DYNC2H1: variants seen among roughly 807,000 people sequenced by gnomAD.
DYNC2H1 encodes cytoplasmic dynein 2 heavy chain 1.
In DYNC2H1, 410 loss-of-function variants were observed where a neutral mutation model predicts 570.0. The observed-to-expected ratio is 0.72, with a 90% CI of 0.66 to 0.78. The LOEUF (loss-of-function observed/expected upper bound fraction) is 0.78. Ranked by LOEUF, DYNC2H1 falls within the 30% of genes least tolerant of loss-of-function variation. DYNC2H1 has a pLI of 0.00. For synonymous variants in DYNC2H1, 1,688 were observed against 1,677.6 expected (o/e 1.01, Z -0.15); for missense variants, 4,865 against 5,046.4 (o/e 0.96, Z 1.09).
In DYNC2H1 at chr11:103,153,401, T is replaced by C. The variant is rs1298118773; in HGVS notation, c.3195T>C (p.Asp1065=). ...GTTGGGACCAACTAAAGCCTGGTGA[T>C]GATGTTATTGAAACTGGCCAACATA... ...KARWDQLKPG[D]DVIETGQHNT... Residue 1065 remains aspartate, a synonymous_variant, in exon 22 of 89, where the codon GAT becomes GAC. Coordinates refer to ENST00000375735, the MANE Select transcript of DYNC2H1 (RefSeq NM_001377.3). 2.6e-6 allele frequency: 4 copies of C among 1,558,432 alleles called. No homozygotes were observed. The highest frequency in any genetic ancestry group is 3.5e-6 in the Non-Finnish European group (4 of 1,150,478).
intron 13 of DYNC2H1, among the ~76,000 whole-genome samples, chr11:103,131,779 T>G (rs1217056322): frequency 1.3e-5 from 2 of 152,210 alleles, no homozygotes; most frequent in Non-Finnish European, 2.9e-5. Context: ...TGATTTCAGC[T>G]GACAAACTAC....
intron 47 of DYNC2H1, among the ~76,000 whole-genome samples, chr11:103,194,932 G>A (rs1862462192): frequency 6.6e-6 from 1 of 151,950 alleles, no homozygotes; most frequent in Non-Finnish European, 1.5e-5. Flanking sequence ...TGGGTAGGCT[G>A]GTTTTGAACT....
At chr11:103,192,015 T>A in intron 46 of DYNC2H1, 82 bp from the exon 47 acceptor site, 1 of 1,150,328 alleles carries the variant, frequency 8.7e-7, no homozygotes, top group Non-Finnish European at 1.2e-6. Context: ...TGTAGACACC[T>A]GCTATTTCTT....
intron 88 of DYNC2H1, among the ~76,000 whole-genome samples, chr11:103,477,468 G>A (rs537836539): frequency 1.3e-5 from 2 of 152,212 alleles, no homozygotes; most frequent in South Asian, 4.1e-4. Context: ...ATACAATTAT[G>A]AACTCATGAT....
chr11:103,238,808 G>A (rs781060485), intron 63 of DYNC2H1, among the ~76,000 whole-genome samples: 2 of 152,142 alleles, frequency 1.3e-5, no homozygotes, highest in African/African-American at 2.4e-5. Flanking sequence ...TCTTACAACA[G>A]GAATTAGTTT....
intron 53 of DYNC2H1, among the ~76,000 whole-genome samples, chr11:103,210,605 G>T (rs942795003): frequency 6.6e-6 from 1 of 152,000 alleles, no homozygotes; most frequent in Non-Finnish European, 1.5e-5. Flanking sequence ...ATAAGTGATA[G>T]TAGAACTTTC....
intron 75 of DYNC2H1, among the ~76,000 whole-genome samples, chr11:103,296,495 A>G (rs182691660): frequency 5.9e-5 from 9 of 152,350 alleles, no homozygotes; most frequent in Middle Eastern, 6.8e-3. Flanking sequence ...CACTAAAATT[A>G]GTTGATTGAA....
rs1047231947 is a variant in DYNC2H1 at position 103,189,566 on chromosome 11, T to C, written c.7293-106T>C. On this transcript the variant is annotated intron_variant, in intron 44 of 88. Transcript: ENST00000375735. This position sits in a 1 kb window ranked among gnomAD's most constrained non-coding sequence, Gnocchi z 4.3. ...TGGGTAAGCTTTGGAGATATGTAGG[T>C]CTTAGAGCAGCACAGTTTCAAAACC... The C allele has an allele frequency of 1.6e-5, 18 of 1,091,662 alleles. No individual in the cohort carries two copies. The highest frequency in any genetic ancestry group is 6.0e-4 in the Middle Eastern group (2 of 3,360). The allele number at this position is 1,091,662 out of a possible 1,614,324, so 67.6% of individuals were successfully genotyped here. A position where few individuals can be genotyped will look rare whatever the true frequency, so the allele number is the denominator to read the frequency against.
chr11:103,154,386 A>G (rs1413357098), intron 22 of DYNC2H1, 65 bp from the exon 23 acceptor site: 4 of 1,363,236 alleles, frequency 2.9e-6, no homozygotes, highest in South Asian at 1.5e-5. Flanking sequence ...AAGTAACTTA[A>G]TGATACTTAA....
intron 52 of DYNC2H1, among the ~76,000 whole-genome samples, chr11:103,206,424 A>G (rs920518179): frequency 2.0e-5 from 3 of 152,140 alleles, no homozygotes; most frequent in African/African-American, 7.2e-5. Flanking sequence ...AGGCATACAG[A>G]AAAAAATTTG....
rs1276163075 is a variant in DYNC2H1, at chr11:103,121,929, C to T, written c.1485+433C>T. Among the ~76,000 whole-genome samples the T allele has an allele frequency of 4.0e-5, 6 of 151,114 alleles. No homozygotes were observed. In the South Asian group the frequency reaches 6.3e-4, roughly 16 times the overall value. On this transcript the variant is annotated intron_variant, in intron 10 of 88. Coordinates refer to ENST00000375735, the MANE Select transcript of DYNC2H1 (RefSeq NM_001377.3). Reference sequence around the variant, plus strand: ...TTGTGCCACAGTGCTCCATGGTGGACGACAGAAAGAGATGCTATCTCAAAA... The same window carrying T: ...TTGTGCCACAGTGCTCCATGGTGGATGACAGAAAGAGATGCTATCTCAAAA...
chr11:103,172,226 A>G (rs1029785978), intron 34 of DYNC2H1, among the ~76,000 whole-genome samples: 1 of 152,094 alleles, frequency 6.6e-6, no homozygotes, highest in Non-Finnish European at 1.5e-5. Flanking sequence ...TTTCTTCTAC[A>G]TTCACTTTTT....
Position 103,326,269 on chromosome 11 carries a change from G to A in DYNC2H1, c.12039+2279G>A, listed in dbSNP as rs965179298. Among the ~76,000 whole-genome samples the A allele has an allele frequency of 3.3e-5, 5 of 152,084 alleles. No homozygotes were observed. The highest frequency in any genetic ancestry group is 1.2e-4 in the African/African-American group (5 of 41,410). On this transcript the variant is annotated intron_variant, in intron 82 of 88. Transcript: ENST00000375735. The surrounding 1 kb of genome is among the most constrained non-coding windows in gnomAD (Gnocchi z 6.1). ...CGGGGAATAAAATCATCTCACCAGG[G>A]CCCCGTCCTTGGCTTTGAGTGAGCC... is the stretch of plus-strand genomic sequence containing the variant.
chr11:103,453,537 C>CTAAAAGAGCTTTCCCTTCTTGACAAAT (rs1944679685), intron 85 of DYNC2H1, among the ~76,000 whole-genome samples: 1 of 150,458 alleles, frequency 6.6e-6, no homozygotes, highest in Non-Finnish European at 1.5e-5. Flanking sequence ...AACATTTTTA[C>CTAAAAGAGCTTTCCCTTCTTGACAAAT]TAAAAGAGCT....
chr11:103,285,419 CTTTTCTTTTTTT>C (rs1866306550), intron 73 of DYNC2H1, among the ~76,000 whole-genome samples: 1 of 90,126 alleles, frequency 1.1e-5, no homozygotes, highest in Non-Finnish European at 2.5e-5. Flanking sequence ...TTCTTTTTTT[CTTTTCTTTTTTT>C]TTTTTTTTTG....
rs773909264 is a variant in DYNC2H1, at chr11:103,203,744, T to A, written c.8279T>A (p.Phe2760Tyr). The A allele has an allele frequency of 2.5e-6, 4 of 1,611,708 alleles. No individual in the cohort carries two copies. Among genetic ancestry groups the A allele is most frequent in the Non-Finnish European group, 3.4e-6 (4 of 1,178,990 alleles). ...AAGGATCAAGCTTCACAAGATGGTT[T>A]TTTTGGACCAGTCTTCAATTACTTC... is the stretch of plus-strand genomic sequence containing the variant. Reference protein sequence around the residue: ...PLKDQASQDGFFGPVFNYFTY... With the variant: ...PLKDQASQDGYFGPVFNYFTY... The change falls in exon 51 of 89, where the codon TTT (phenylalanine) becomes TAT (tyrosine). Residue 2760 changes from phenylalanine to tyrosine, a missense_variant. Around this residue, in one of 5 missense-constraint regions of DYNC2H1, gnomAD observed 2,401 missense variants for 2,454.6 expected, o/e 0.98. Transcript: ENST00000375735. The surrounding 1 kb of genome is among the most constrained non-coding windows in gnomAD (Gnocchi z 4.7).
At chr11:103,248,786 T>C in intron 65 of DYNC2H1, among the ~76,000 whole-genome samples, 1 of 152,088 alleles carries the variant, frequency 6.6e-6, no homozygotes. Context: ...TTTATCTGAT[T>C]GTTACAGAAG....
chr11:103,256,152 T>C lies in DYNC2H1; in HGVS notation c.10373T>C (p.Ile3458Thr), dbSNP rs1865049424. 2 of 1,608,458 alleles carry C rather than the reference T, an allele frequency of 1.2e-6. No homozygotes were observed. Among genetic ancestry groups the C allele is most frequent in the African/African-American group, 1.3e-5 (1 of 74,866 alleles). The change falls in exon 68 of 89, where the codon ATT becomes ACT. Residue 3458 changes from isoleucine (I) to threonine (T), a missense_variant. Around this residue, in one of 5 missense-constraint regions of DYNC2H1, gnomAD observed 2,401 missense variants for 2,454.6 expected, o/e 0.98. Coordinates refer to ENST00000375735, the MANE Select transcript of DYNC2H1 (RefSeq NM_001377.3). The surrounding 1 kb of genome is among the most constrained non-coding windows in gnomAD (Gnocchi z 4.0). ...AATATTTTGGAAAATAAGGATTTGATTGAGTCTTTGAATCAGACAAAAGCA... is the reference window on the plus strand; with the variant it reads ...AATATTTTGGAAAATAAGGATTTGACTGAGTCTTTGAATCAGACAAAAGCA... ...QGNILENKDL[I>T]ESLNQTKASS... is the part of the protein sequence containing the mutation.
chr11:103,179,645 T>A (rs994491589), intron 39 of DYNC2H1, among the ~76,000 whole-genome samples: 1 of 151,764 alleles, frequency 6.6e-6, no homozygotes, highest in Non-Finnish European at 1.5e-5. Context: ...TAATTTTAGA[T>A]TCACAGAATT....
Sources: gnomAD v4.1 joint callset for allele counts (sites outside exome capture counted in the v4.1 genomes callset) on GRCh38, gnomAD v4.1.1 for gene constraint, gnomAD v4.1.1 regional missense constraint, Gnocchi (gnomAD v3.1) non-coding constraint, MANE v1.5 for transcripts, NCBI Gene and HGNC (gene_info 2026-07-23, HGNC 2026-07-21) for gene names.